HDHD2: variants seen among roughly 807,000 people sequenced by gnomAD.
HDHD2 encodes the protein haloacid dehalogenase like hydrolase domain containing 2.
HDHD2 carries 26 observed loss-of-function variants against 24.8 expected under a neutral mutation model. The observed-to-expected ratio is 1.05, with a 90% CI of 0.77 to 1.45. HDHD2 has a LOEUF of 1.45. Ranked by LOEUF, HDHD2 falls within the 40% of genes most tolerant of loss-of-function variation. The pLI, the probability that HDHD2 is intolerant of heterozygous loss-of-function variation, is 0.00. For synonymous variants in HDHD2, 128 were observed against 114.9 expected (o/e 1.11, Z -0.73); for missense variants, 299 against 313.4 (o/e 0.95, Z 0.35).
At chr18:47,141,485 T>C (rs889616016) in intron 1 of HDHD2, among the ~76,000 whole-genome samples, 2 of 152,212 alleles carry the variant, frequency 1.3e-5, no homozygotes, top group African/African-American at 4.8e-5. Flanking sequence ...GGAACTAAAC[T>C]CCACCTTCTA....
At chr18:47,129,221 T>C (rs545292408) in intron 4 of HDHD2, among the ~76,000 whole-genome samples, 2 of 152,332 alleles carry the variant, frequency 1.3e-5, no homozygotes, top group East Asian at 3.9e-4. Flanking sequence ...ACGGCAGATC[T>C]GCAGGTAAAT....
chr18:47,132,054 C>A (rs977125683), intron 3 of HDHD2, among the ~76,000 whole-genome samples: 2 of 152,134 alleles, frequency 1.3e-5, no homozygotes, highest in Admixed American at 1.3e-4. Context: ...CTATCTTGAT[C>A]CATCCCCTCT....
At chr18:47,140,448 A>T (rs2063809760) in intron 1 of HDHD2, among the ~76,000 whole-genome samples, 1 of 152,148 alleles carries the variant, frequency 6.6e-6, no homozygotes, top group Non-Finnish European at 1.5e-5. Flanking sequence ...CTTTTCTAAC[A>T]GTTTGGTGTT....
intron 4 of HDHD2, among the ~76,000 whole-genome samples, chr18:47,120,111 C>T (rs1469582682): frequency 6.6e-6 from 1 of 152,220 alleles, no homozygotes. Context: ...TCACCAGCTG[C>T]ATTAGCCCCT....
intron 1 of HDHD2, among the ~76,000 whole-genome samples, chr18:47,138,937 G>A (rs559746446): frequency 2.8e-4 from 43 of 152,280 alleles, no homozygotes; most frequent in African/African-American, 6.5e-4. Flanking sequence ...ACACAGTTGC[G>A]CATACTTCAA....
chr18:47,147,225 A>G (rs1221262642), intron 1 of HDHD2, among the ~76,000 whole-genome samples: 2 of 152,202 alleles, frequency 1.3e-5, no homozygotes, highest in African/African-American at 4.8e-5. Context: ...AAAGAGGGAA[A>G]AAGAAGACTG....
chr18:47,127,267 A>G (rs1308623240), intron 4 of HDHD2, among the ~76,000 whole-genome samples: 1 of 152,202 alleles, frequency 6.6e-6, no homozygotes, highest in Non-Finnish European at 1.5e-5. Context: ...TTTTAGAATA[A>G]TATTTAGGAA....
chr18:47,111,220 C>G (rs898509818), intron 6 of HDHD2: 1 of 985,132 alleles, frequency 1.0e-6, no homozygotes, highest in African/African-American at 1.7e-5. Context: ...AGAGACTAAA[C>G]TGATGCCTGT....
intron 1 of HDHD2, among the ~76,000 whole-genome samples, chr18:47,143,987 G>C (rs2063843256): frequency 6.6e-6 from 1 of 151,712 alleles, no homozygotes; most frequent in Admixed American, 6.6e-5. Flanking sequence ...TTTAAACTTG[G>C]GCTTCCATAA....
chr18:47,130,331 G>T lies in HDHD2; in HGVS notation c.311-3C>A. 2 of 1,566,760 alleles carry T rather than the reference G, an allele frequency of 1.3e-6. No homozygotes were observed. The highest frequency in any genetic ancestry group is 1.7e-6 in the Non-Finnish European group (2 of 1,153,694). Reference sequence around the variant, plus strand: ...ATTAGGATCACTTGTTTGTATTCCTGGGAACGGAAAAAAAAAATGATTGTT... The same window carrying T: ...ATTAGGATCACTTGTTTGTATTCCTTGGAACGGAAAAAAAAAATGATTGTT... On this transcript the variant is annotated splice_region_variant and splice_polypyrimidine_tract_variant and intron_variant, in intron 3 of 6. Coordinates refer to ENST00000300605, the MANE Select transcript of HDHD2 (RefSeq NM_032124.5).
intron 1 of HDHD2, among the ~76,000 whole-genome samples, chr18:47,144,576 C>A (rs1015140293): frequency 1.3e-5 from 2 of 152,016 alleles, no homozygotes; most frequent in Non-Finnish European, 2.9e-5. Context: ...TGCCTGGCTA[C>A]AGCAAATATA....
intron 4 of HDHD2, among the ~76,000 whole-genome samples, chr18:47,123,335 C>T (rs2063625208): frequency 6.6e-6 from 1 of 152,124 alleles, no homozygotes; most frequent in South Asian, 2.1e-4. Context: ...CACCTGTAAT[C>T]CCAGCACTTT....
chr18:47,115,050 C>T, intron 5 of HDHD2, 82 bp downstream of exon 5: 1 of 926,052 alleles, frequency 1.1e-6, no homozygotes, highest in Non-Finnish European at 1.7e-6. Context: ...CAGAATGTCC[C>T]CTTTCCTAAA....
At chr18:47,143,323 G>A (rs1176406639) in intron 1 of HDHD2, among the ~76,000 whole-genome samples, 2 of 152,164 alleles carry the variant, frequency 1.3e-5, no homozygotes, top group Admixed American at 1.3e-4. Context: ...AAGCATGGTG[G>A]CGTGTGCCTG....
chr18:47,137,644 A>T (rs78720782), intron 1 of HDHD2, among the ~76,000 whole-genome samples: 8,194 of 152,102 alleles, frequency 0.054, 279 homozygotes, highest in East Asian at 0.13. Context: ...CTCTGTTTTA[A>T]CAACAACAAC....
At chr18:47,131,455 C>T (rs997920532) in intron 3 of HDHD2, among the ~76,000 whole-genome samples, 4 of 152,162 alleles carry the variant, frequency 2.6e-5, no homozygotes, top group African/African-American at 9.7e-5. Flanking sequence ...CAGACTCATA[C>T]CATGCCTGTC....
At chr18:47,108,915 C>G (rs2063494204) in intron 6 of HDHD2, 130 bp from the exon 7 acceptor site, 1 of 601,952 alleles carries the variant, frequency 1.7e-6, no homozygotes, top group Non-Finnish European at 3.0e-6. Context: ...GCACATCTCC[C>G]AAATCACCTT....
At chr18:47,108,828 A>T (rs1473150844) in intron 6 of HDHD2, 43 bp from the exon 7 acceptor site, 3 of 1,223,066 alleles carry the variant, frequency 2.5e-6, no homozygotes, top group Non-Finnish European at 3.6e-6. Flanking sequence ...TGCCACCAGA[A>T]TGCTAAATTA....
intron 1 of HDHD2, among the ~76,000 whole-genome samples, chr18:47,139,486 A>AAG: frequency 6.6e-6 from 1 of 151,666 alleles, no homozygotes. Context: ...AAAAAAAAAA[A>AAG]AAAAAATCCT....
Sources: allele counts gnomAD v4.1 joint callset (sites outside exome capture counted in the v4.1 genomes callset), GRCh38; gene constraint gnomAD v4.1.1; transcripts MANE v1.5; gene names NCBI Gene and HGNC (gene_info 2026-07-23, HGNC 2026-07-21).